COL4A1: variants seen among roughly 807,000 people sequenced by gnomAD.
COL4A1 encodes the protein collagen alpha-1(IV) chain.
A neutral mutation model predicts 216.6 loss-of-function variants in COL4A1; 40 were observed. The observed-to-expected ratio is 0.18, with a 90% CI of 0.14 to 0.24. The LOEUF is 0.24. Ranked by LOEUF, COL4A1 falls within the 10% of genes least tolerant of loss-of-function variation. The probability of loss-of-function intolerance (pLI) is 1.00; values close to 1 mark genes in which losing one functional copy is unlikely to be tolerated. For missense variants in COL4A1, 1,628 were observed against 2,196.8 expected (o/e 0.74, Z 5.18); for synonymous variants, 839 against 810.7 (o/e 1.03, Z -0.59).
Position 110,187,143 on chromosome 13 carries a change from A to G in COL4A1, c.1723T>C (p.Ser575Pro). The G allele has an allele frequency of 6.2e-7, 1 of 1,614,008 alleles. No homozygotes were observed. The highest frequency in any genetic ancestry group is 8.5e-7 in the Non-Finnish European group (1 of 1,179,894). ...AAGTCTGGAGATAAACATACCGGCG[A>G]GCCCTTGGGGCCAGGAAGACCCGGA... ...GHPGLPGPKG[S>P]PGSVGLKGER... The change falls in exon 25 of 52, where the codon TCG becomes CCG. Residue 575 changes from serine (S) to proline (P), a missense_variant. Physicochemically the swap from Ser to Pro is moderately conservative, Grantham distance 74. Transcript: ENST00000375820.
intron 43 of COL4A1, among the ~76,000 whole-genome samples, chr13:110,168,749 A>G (rs1004835870): frequency 2.0e-4 from 30 of 152,176 alleles, no homozygotes; most frequent in Admixed American, 6.5e-5. Flanking sequence ...TTGCTCCAAC[A>G]TAACTGCAGA....
At chr13:110,274,874 A>G (rs527439964) in intron 1 of COL4A1, among the ~76,000 whole-genome samples, 34 of 152,352 alleles carry the variant, frequency 2.2e-4, no homozygotes, top group African/African-American at 7.9e-4. Flanking sequence ...CCACAGCAAC[A>G]GATGGCAGCA....
intron 1 of COL4A1, among the ~76,000 whole-genome samples, chr13:110,280,677 G>A (rs899036479): frequency 8.5e-5 from 13 of 152,080 alleles, no homozygotes; most frequent in Non-Finnish European, 1.5e-4. Flanking sequence ...TTTTATAAGT[G>A]GCCTCGAAAA....
Position 110,192,891 on chromosome 13 carries a change from G to A in COL4A1, c.1404C>T (p.Leu468=), listed in dbSNP as rs1878706271. The change falls in exon 23 of 52, where the codon CTC becomes CTT. Residue 468 remains leucine (L), a synonymous_variant. Transcript: ENST00000375820. ...CCCGATATCCGTCTATATCACAGATGAGGCAACTCTCTCCTTTTTGACCTA... is the reference window on the plus strand; with the variant it reads ...CCCGATATCCGTCTATATCACAGATAAGGCAACTCTCTCCTTTTTGACCTA... ...GEKGQKGESC[L]ICDIDGYRGP... The A allele has an allele frequency of 6.8e-6, 11 of 1,614,058 alleles. No homozygotes were observed. The highest frequency in any genetic ancestry group is 9.3e-6 in the Non-Finnish European group (11 of 1,180,018).
intron 42 of COL4A1, among the ~76,000 whole-genome samples, chr13:110,170,306 G>C (rs1343682511): frequency 6.6e-6 from 1 of 152,182 alleles, no homozygotes; most frequent in Admixed American, 6.5e-5. Context: ...CGGGGCACGA[G>C]TCCAGGCTTG....
At chr13:110,189,709 C>T (rs1878550359) in intron 24 of COL4A1, among the ~76,000 whole-genome samples, 1 of 152,204 alleles carries the variant, frequency 6.6e-6, no homozygotes, top group South Asian at 2.1e-4. Context: ...TTAATATTAG[C>T]TCCTATGCAT....
chr13:110,200,274 C>T (rs1879125323), intron 20 of COL4A1, among the ~76,000 whole-genome samples: 1 of 152,206 alleles, frequency 6.6e-6, no homozygotes, highest in South Asian at 2.1e-4. Context: ...ACAGAGACAA[C>T]AGCGAGCCTC....
At chr13:110,200,997 G>A (rs544644560) in intron 19 of COL4A1, 108 bp from the exon 20 acceptor site, 2 of 1,219,618 alleles carry the variant, frequency 1.6e-6, no homozygotes, top group Admixed American at 3.6e-5. Flanking sequence ...AAGTGTCCAT[G>A]GCCAAAGGGA....
rs767552075 is a variant in COL4A1, at chr13:110,162,221, G to C, written c.4462+9C>G. The C allele has an allele frequency of 1.9e-6, 3 of 1,612,546 alleles. No homozygotes were observed. The highest frequency in any genetic ancestry group is 2.5e-6 in the Non-Finnish European group (3 of 1,178,734). Reference sequence around the variant, plus strand: ...ACTGAATGAATGCATGGATCTGCAGGCTTCTTACCCAAGTCCTGGCCATGG... The same window carrying C: ...ACTGAATGAATGCATGGATCTGCAGCCTTCTTACCCAAGTCCTGGCCATGG... On this transcript the variant is annotated intron_variant, in intron 48 of 51. Coordinates refer to ENST00000375820, the MANE Select transcript of COL4A1 (RefSeq NM_001845.6).
At chr13:110,178,864 C>T in intron 31 of COL4A1, 59 bp downstream of exon 31, 3 of 1,321,626 alleles carry the variant, frequency 2.3e-6, no homozygotes, top group South Asian at 2.5e-5. Flanking sequence ...GGCCTCATCC[C>T]CCATGCTTCA....
At chr13:110,168,221 G>A (rs1877433205) in intron 43 of COL4A1, among the ~76,000 whole-genome samples, 1 of 152,138 alleles carries the variant, frequency 6.6e-6, no homozygotes, top group African/African-American at 2.4e-5. Flanking sequence ...TGCCATGTTG[G>A]CCAGGCTGGT....
chr13:110,299,830 G>C (rs964455328), intron 1 of COL4A1, among the ~76,000 whole-genome samples: 1 of 152,148 alleles, frequency 6.6e-6, no homozygotes, highest in Non-Finnish European at 1.5e-5. Context: ...TATTAATTCT[G>C]TAACATTAAA....
intron 1 of COL4A1, among the ~76,000 whole-genome samples, chr13:110,306,131 C>T (rs1594132854): frequency 6.6e-6 from 1 of 152,044 alleles, no homozygotes; most frequent in African/African-American, 2.4e-5. Context: ...CTGGAAGCCT[C>T]GACTCCTGCA....
intron 1 of COL4A1, among the ~76,000 whole-genome samples, chr13:110,276,277 T>C (rs1404365838): frequency 6.6e-6 from 1 of 152,174 alleles, no homozygotes; most frequent in Non-Finnish European, 1.5e-5. Flanking sequence ...CACCCCAGAT[T>C]GCGAAACAGT....
chr13:110,208,206 T>G (rs1879607171), intron 12 of COL4A1, among the ~76,000 whole-genome samples: 1 of 152,222 alleles, frequency 6.6e-6, no homozygotes, highest in Non-Finnish European at 1.5e-5. Context: ...CTGGAGAGGA[T>G]CAGGGACCCA....
rs531151185 is a variant in COL4A1, at chr13:110,178,854, G to A, written c.2458+69C>T. The A allele has an allele frequency of 6.0e-5, 72 of 1,197,640 alleles. No homozygotes were observed. The African/African-American group carries it at 6.6e-4, about 11-fold the overall frequency. 74.2% of individuals were successfully genotyped at this position (1,197,640 alleles called of 1,614,324 possible). On this transcript the variant is annotated intron_variant, in intron 31 of 51. Transcript: ENST00000375820. ...CTAAGCTTCACTTTATAGGGACCCCGGCCTCATCCCCCATGCTTCAGAAAA... is the reference window on the plus strand; with the variant it reads ...CTAAGCTTCACTTTATAGGGACCCCAGCCTCATCCCCCATGCTTCAGAAAA...
At chr13:110,220,837 T>A (rs925815432) in intron 2 of COL4A1, among the ~76,000 whole-genome samples, 1 of 152,142 alleles carries the variant, frequency 6.6e-6, no homozygotes, top group African/African-American at 2.4e-5. Flanking sequence ...CTGGGCTGGA[T>A]AAACTAGAAG....
intron 1 of COL4A1, among the ~76,000 whole-genome samples, chr13:110,283,860 T>C (rs1275315267): frequency 6.6e-6 from 1 of 152,154 alleles, no homozygotes; most frequent in Non-Finnish European, 1.5e-5. Context: ...CTTTAGTCAC[T>C]GTGGCTGGGC....
intron 25 of COL4A1, 22 bp downstream of exon 25, chr13:110,187,116 C>A: frequency 6.2e-7 from 1 of 1,613,702 alleles, no homozygotes; most frequent in South Asian, 1.1e-5. Flanking sequence ...AATGCACATT[C>A]AAAGTCTGGA....
Sources: gnomAD v4.1 joint callset for allele counts (sites outside exome capture counted in the v4.1 genomes callset) on GRCh38, gnomAD v4.1.1 for gene constraint, MANE v1.5 for transcripts, NCBI Gene and HGNC (gene_info 2026-07-23, HGNC 2026-07-21) for gene names.